ST6GALNAC3: variants seen among roughly 807,000 people sequenced by gnomAD.
The protein encoded by ST6GALNAC3 is ST6 N-acetylgalactosaminide alpha-2,6-sialyltransferase 3.
In ST6GALNAC3, 25 loss-of-function variants were observed where a neutral mutation model predicts 32.7. The ratio of observed to expected loss-of-function variants is 0.76; its 90% CI spans 0.56 to 1.07. ST6GALNAC3 has a LOEUF of 1.07. ST6GALNAC3 is among the 50% of genes least tolerant of loss of function. ST6GALNAC3 has a pLI of 0.00. For missense variants in ST6GALNAC3, 355 were observed against 382.4 expected (o/e 0.93, Z 0.60); for synonymous variants, 129 against 133.1 (o/e 0.97, Z 0.21).
At chr1:76,542,633 T>C (rs1397322166) in intron 3 of ST6GALNAC3, among the ~76,000 whole-genome samples, 1 of 152,150 alleles carries the variant, frequency 6.6e-6, no homozygotes, top group Non-Finnish European at 1.5e-5. Flanking sequence ...GATCCACCTC[T>C]CAGGGTAATC....
intron 3 of ST6GALNAC3, among the ~76,000 whole-genome samples, chr1:76,496,376 G>A (rs532535235): frequency 2.6e-5 from 4 of 152,242 alleles, no homozygotes; most frequent in South Asian, 2.1e-4. Context: ...AACCCATACC[G>A]GGCATTCTGG....
chr1:76,500,619 C>G (rs1466259716), intron 3 of ST6GALNAC3, among the ~76,000 whole-genome samples: 1 of 152,152 alleles, frequency 6.6e-6, no homozygotes, highest in Non-Finnish European at 1.5e-5. Context: ...TCACAGGTGA[C>G]CACAATAGGT....
intron 2 of ST6GALNAC3, among the ~76,000 whole-genome samples, chr1:76,320,060 G>A (rs1189920984): frequency 2.0e-5 from 3 of 152,190 alleles, no homozygotes; most frequent in African/African-American, 7.2e-5. Context: ...CAATCTATGA[G>A]TGCCAGATGA....
chr1:76,577,031 G>A lies in ST6GALNAC3; in HGVS notation c.624-50421G>A, dbSNP rs1482363077. On this transcript the variant is annotated intron_variant, in intron 3 of 4. Coordinates refer to ENST00000328299, the MANE Select transcript of ST6GALNAC3 (RefSeq NM_152996.4). ...TCAAAGATTAAGATTGTGGCTTTGT[G>A]TAAAGTTCTTTCCCTTTGTAGACTT... 3.4e-6 allele frequency: 4 copies of A among 1,175,552 alleles called. No individual in the cohort carries two copies. The Admixed American group carries it at 1.4e-4, about 40-fold the overall frequency. 72.8% of individuals were successfully genotyped at this position (1,175,552 alleles called of 1,614,324 possible).
chr1:76,296,315 T>C (rs1660403057), intron 1 of ST6GALNAC3, among the ~76,000 whole-genome samples: 1 of 152,130 alleles, frequency 6.6e-6, no homozygotes, highest in African/African-American at 2.4e-5. Flanking sequence ...ATGAAATGGT[T>C]TGAGTACTGT....
chr1:76,630,462 T>A lies in ST6GALNAC3; in HGVS notation c.*1656T>A, dbSNP rs538753086. 14 of 985,222 alleles carry A rather than the reference T, an allele frequency of 1.4e-5. No homozygotes were observed. In the African/African-American group the frequency reaches 2.4e-4, roughly 17 times the overall value. The allele number at this position is 985,222 out of a possible 1,614,324, so 61.0% of individuals were successfully genotyped here. A position where few individuals can be genotyped will look rare whatever the true frequency, so the allele number is the denominator to read the frequency against. On this transcript the variant is annotated 3_prime_UTR_variant, in exon 5 of 5. Coordinates refer to ENST00000328299, the MANE Select transcript of ST6GALNAC3 (RefSeq NM_152996.4). ...TATTTTTCATATACTCGTTGCTCAT[T>A]AAATAGTAAAGGGTTGATTTGCTGC...
intron 1 of ST6GALNAC3, among the ~76,000 whole-genome samples, chr1:76,227,628 A>G (rs1267963374): frequency 6.6e-6 from 1 of 152,242 alleles, no homozygotes; most frequent in Non-Finnish European, 1.5e-5. Flanking sequence ...TTAAATCCCA[A>G]TTACTGGAAT....
At position 76,545,870 on chromosome 1, in the gene ST6GALNAC3, G is replaced by A. The variant is rs192830403; in HGVS notation, c.624-81582G>A. ...GACAGGGTTTCTCCATGTTGGTCAGGCTGGTCGCAAACTCCTGACCTCAGG... is the reference window on the plus strand; with the variant it reads ...GACAGGGTTTCTCCATGTTGGTCAGACTGGTCGCAAACTCCTGACCTCAGG... On this transcript the variant is annotated intron_variant, in intron 3 of 4. Coordinates refer to ENST00000328299, the MANE Select transcript of ST6GALNAC3 (RefSeq NM_152996.4). Among the ~76,000 whole-genome samples, 123 of 152,216 alleles carry A rather than the reference G, an allele frequency of 8.1e-4. 1 individual carries two copies. The highest frequency in any genetic ancestry group is 2.9e-3 in the African/African-American group (122 of 41,536).
chr1:76,380,258 C>T (rs1392475514), intron 2 of ST6GALNAC3, among the ~76,000 whole-genome samples: 4 of 152,082 alleles, frequency 2.6e-5, no homozygotes, highest in Admixed American at 1.3e-4. Flanking sequence ...CAAATTAAAA[C>T]CACAATGAGA....
At chr1:76,534,983 C>CATCTCATAG (rs1306323442) in intron 3 of ST6GALNAC3, among the ~76,000 whole-genome samples, 1 of 152,062 alleles carries the variant, frequency 6.6e-6, no homozygotes, top group Non-Finnish European at 1.5e-5. Flanking sequence ...TTCTCATATC[C>CATCTCATAG]TTTTCCAATC....
chr1:76,328,972 T>C (rs1647134499), intron 2 of ST6GALNAC3, among the ~76,000 whole-genome samples: 1 of 152,200 alleles, frequency 6.6e-6, no homozygotes, highest in African/African-American at 2.4e-5. Context: ...CTGTGGTCAA[T>C]TTGCTTATTT....
At chr1:76,282,699 G>A (rs1224942221) in intron 1 of ST6GALNAC3, among the ~76,000 whole-genome samples, 2 of 152,038 alleles carry the variant, frequency 1.3e-5, no homozygotes, top group African/African-American at 4.8e-5. Context: ...TTGTAACAAT[G>A]TCTTATGGAG....
At chr1:76,418,935 CA>C (rs368013298) in intron 3 of ST6GALNAC3, among the ~76,000 whole-genome samples, 6,872 of 135,846 alleles carry the variant, frequency 0.051, 506 homozygotes, top group African/African-American at 0.17. Context: ...ATTAAAAATT[CA>C]AAAAAAAAAA....
chr1:76,357,573 A>T (rs1649584307), intron 2 of ST6GALNAC3, among the ~76,000 whole-genome samples: 1 of 152,182 alleles, frequency 6.6e-6, no homozygotes, highest in Non-Finnish European at 1.5e-5. Flanking sequence ...TCTTGTATGA[A>T]AGCTTGACAG....
intron 1 of ST6GALNAC3, among the ~76,000 whole-genome samples, chr1:76,294,627 T>C (rs968754551): frequency 5.3e-5 from 8 of 152,020 alleles, no homozygotes. Flanking sequence ...CTTTCACTAT[T>C]ATTTCTGGGC....
chr1:76,341,673 CTTT>C (rs879467197), intron 2 of ST6GALNAC3, among the ~76,000 whole-genome samples: 2,297 of 142,664 alleles, frequency 0.016, 50 homozygotes, highest in African/African-American at 0.023. Context: ...TTCTTTCTTT[CTTT>C]CTTTCCTTCT....
At chr1:76,178,101 T>C (rs1652957700) in intron 1 of ST6GALNAC3, among the ~76,000 whole-genome samples, 1 of 152,248 alleles carries the variant, frequency 6.6e-6, no homozygotes, top group Non-Finnish European at 1.5e-5. Context: ...GTTATGAGGC[T>C]GTAAGATTTT....
At chr1:76,208,468 G>A (rs1193684626) in intron 1 of ST6GALNAC3, among the ~76,000 whole-genome samples, 2 of 152,218 alleles carry the variant, frequency 1.3e-5, no homozygotes, top group African/African-American at 2.4e-5. Flanking sequence ...AAACAGAACA[G>A]AGACTTAAAC....
intron 1 of ST6GALNAC3, among the ~76,000 whole-genome samples, chr1:76,283,813 T>C (rs1659629048): frequency 6.6e-6 from 1 of 152,234 alleles, no homozygotes; most frequent in African/African-American, 2.4e-5. Context: ...GCCCCTCAAG[T>C]TGAACCTCTC....
Sources: gnomAD v4.1 joint callset for allele counts (sites outside exome capture counted in the v4.1 genomes callset) on GRCh38, gnomAD v4.1.1 for gene constraint, MANE v1.5 for transcripts, NCBI Gene and HGNC (gene_info 2026-07-23, HGNC 2026-07-21) for gene names.